STXBP6: variants seen among roughly 807,000 people sequenced by gnomAD.
STXBP6 encodes syntaxin binding protein 6, also known as syntaxin-binding protein 6.
In STXBP6, 21 loss-of-function variants were observed where a neutral mutation model predicts 26.9. The ratio of observed to expected loss-of-function variants is 0.78; its 90% CI spans 0.55 to 1.12. The LOEUF is 1.12. STXBP6 is among the 50% of genes most tolerant of loss of function. The pLI is 0.00. For missense variants in STXBP6, 232 were observed against 257.9 expected (o/e 0.90, Z 0.69); for synonymous variants, 97 against 92.6 (o/e 1.05, Z -0.27).
At chr14:24,952,421 A>G (rs796480984) in intron 2 of STXBP6, among the ~76,000 whole-genome samples, 1 of 152,120 alleles carries the variant, frequency 6.6e-6, no homozygotes, top group Non-Finnish European at 1.5e-5. Flanking sequence ...TTTGTTCTAA[A>G]CCTCCACAAA....
At chr14:25,007,328 G>T (rs1026157324) in intron 1 of STXBP6, among the ~76,000 whole-genome samples, 1 of 152,196 alleles carries the variant, frequency 6.6e-6, no homozygotes, top group Non-Finnish European at 1.5e-5. Context: ...ATAAAACCTT[G>T]CTAAGAGGCG....
chr14:24,925,814 C>T (rs1007433023), intron 2 of STXBP6, among the ~76,000 whole-genome samples: 2 of 152,062 alleles, frequency 1.3e-5, no homozygotes, highest in Admixed American at 1.3e-4. Context: ...ATTTCTAACT[C>T]CCCCCTACAC....
intron 1 of STXBP6, among the ~76,000 whole-genome samples, chr14:25,028,634 A>G (rs1157397387): frequency 6.6e-6 from 1 of 152,202 alleles, no homozygotes; most frequent in Non-Finnish European, 1.5e-5. Context: ...TCTTCAGCCC[A>G]TGGATCAAGT....
rs373624807 is a variant in STXBP6, at chr14:24,855,982, C to T, written c.405G>A (p.Thr135=). Residue 135 remains threonine, a synonymous_variant, in exon 4 of 6, where the codon ACG becomes ACA. Coordinates refer to ENST00000323944, the MANE Select transcript of STXBP6 (RefSeq NM_001394410.1). Reference sequence around the variant, plus strand: ...AGTTAATAAACTCTGGCTTCCTGTCCGTGAGGTACCTCTGGCAGGTATGGT... The same window carrying T: ...AGTTAATAAACTCTGGCTTCCTGTCTGTGAGGTACCTCTGGCAGGTATGGT... The part of the protein sequence containing the change: ...ILHHTCQRYL[T]DRKPEFINCQ... The T allele has an allele frequency of 1.4e-4, 233 of 1,610,094 alleles. No homozygotes were observed. Among genetic ancestry groups the T allele is most frequent in the East Asian group, 6.0e-4 (27 of 44,724 alleles).
At chr14:24,927,433 T>C (rs1381890968) in intron 2 of STXBP6, among the ~76,000 whole-genome samples, 1 of 152,214 alleles carries the variant, frequency 6.6e-6, no homozygotes, top group East Asian at 1.9e-4. Flanking sequence ...GCAACAATAT[T>C]TTTGCATTTT....
chr14:25,049,675 C>T lies in STXBP6; in HGVS notation c.-33+203G>A. On this transcript the variant is annotated intron_variant, in intron 1 of 5. Coordinates refer to ENST00000323944, the MANE Select transcript of STXBP6 (RefSeq NM_001394410.1). The surrounding 1 kb of genome is among the most constrained non-coding windows in gnomAD (Gnocchi z 5.6). The stretch of plus-strand genomic sequence containing the variant: ...CGAGTCCCTCTCTGCGCGCACAAAG[C>T]AGCTGCGCCGGGGCGCGCGGCCCCC... 1.0e-6 allele frequency: 1 copy of T among 985,880 alleles called. No homozygotes were observed. Among genetic ancestry groups the T allele is most frequent in the Non-Finnish European group, 1.2e-6 (1 of 830,322 alleles). The allele number at this position is 985,880 out of a possible 1,614,324, so 61.1% of individuals were successfully genotyped here.
chr14:24,889,575 T>TTTA (rs35902359), intron 2 of STXBP6, among the ~76,000 whole-genome samples: 4 of 147,382 alleles, frequency 2.7e-5, no homozygotes, highest in African/African-American at 1.0e-4. Flanking sequence ...AATAATAAAA[T>TTTA]AAAAAAAGAA....
At chr14:24,947,219 G>A (rs2073021677) in intron 2 of STXBP6, among the ~76,000 whole-genome samples, 1 of 64,338 alleles carries the variant, frequency 1.6e-5, no homozygotes, top group Admixed American at 1.0e-4. Flanking sequence ...TGAAGGGAAA[G>A]CAAAATAATT....
chr14:24,815,378 A>G (rs1188513310), intron 5 of STXBP6, among the ~76,000 whole-genome samples: 5 of 151,930 alleles, frequency 3.3e-5, no homozygotes, highest in African/African-American at 1.2e-4. Flanking sequence ...TTATAATAAA[A>G]TCATGACTGA....
Position 25,049,074 on chromosome 14 carries a change from T to A in STXBP6, c.-33+804A>T. 1 of 873,266 alleles carries A rather than the reference T, an allele frequency of 1.1e-6. No homozygotes were observed. The highest frequency in any genetic ancestry group is 1.8e-5 in the African/African-American group (1 of 55,204). The allele number at this position is 873,266 out of a possible 1,614,324, so 54.1% of individuals were successfully genotyped here. A position where few individuals can be genotyped will look rare whatever the true frequency, so the allele number is the denominator to read the frequency against. ...CAGATACACCCCGGGGACTTTCTCCTAAAGAACAAGATGTCTTTCCAAATT... is the reference window on the plus strand; with the variant it reads ...CAGATACACCCCGGGGACTTTCTCCAAAAGAACAAGATGTCTTTCCAAATT... On this transcript the variant is annotated intron_variant, in intron 1 of 5. Transcript: ENST00000323944. This position sits in a 1 kb window ranked among gnomAD's most constrained non-coding sequence, Gnocchi z 5.6.
chr14:24,943,626 T>C (rs563138465), intron 2 of STXBP6, among the ~76,000 whole-genome samples: 2 of 152,230 alleles, frequency 1.3e-5, no homozygotes, highest in African/African-American at 2.4e-5. Context: ...AGGAGGACAT[T>C]TGAAAACATA....
intron 4 of STXBP6, among the ~76,000 whole-genome samples, chr14:24,838,315 T>G (rs1290722751): frequency 1.3e-5 from 2 of 152,150 alleles, no homozygotes; most frequent in Non-Finnish European, 2.9e-5. Context: ...CCAGCAAGCT[T>G]CACTGGTTTT....
intron 1 of STXBP6, among the ~76,000 whole-genome samples, chr14:24,998,842 A>G (rs2074675446): frequency 6.6e-6 from 1 of 152,214 alleles, no homozygotes. Flanking sequence ...AAAAATCAAT[A>G]GTCTGTCTTC....
intron 2 of STXBP6, among the ~76,000 whole-genome samples, chr14:24,935,336 T>C (rs1463320721): frequency 2.0e-5 from 3 of 152,026 alleles, no homozygotes; most frequent in Admixed American, 6.6e-5. Context: ...AAGGAAAAGC[T>C]AGAAAATAAA....
intron 1 of STXBP6, among the ~76,000 whole-genome samples, chr14:24,977,009 C>T (rs1407808587): frequency 6.6e-6 from 1 of 151,670 alleles, no homozygotes; most frequent in East Asian, 1.9e-4. Context: ...ATTACAGGTG[C>T]CTACCACCAC....
At chr14:25,027,857 G>A (rs940706503) in intron 1 of STXBP6, among the ~76,000 whole-genome samples, 45 of 152,212 alleles carry the variant, frequency 3.0e-4, no homozygotes, top group African/African-American at 1.0e-3. Flanking sequence ...TTGCTGATAC[G>A]AAGAAAATGT....
intron 2 of STXBP6, among the ~76,000 whole-genome samples, chr14:24,879,406 G>A (rs2070269932): frequency 6.6e-6 from 1 of 152,100 alleles, no homozygotes; most frequent in Non-Finnish European, 1.5e-5. Context: ...TTTTGATACT[G>A]GAATAAACAC....
At chr14:24,947,603 G>C (rs1262880885) in intron 2 of STXBP6, among the ~76,000 whole-genome samples, 2 of 152,176 alleles carry the variant, frequency 1.3e-5, no homozygotes, top group Admixed American at 1.3e-4. Flanking sequence ...CAACTTCTAT[G>C]CTTAGACACT....
intron 4 of STXBP6, among the ~76,000 whole-genome samples, chr14:24,836,724 G>T (rs1246788862): frequency 6.6e-6 from 1 of 151,630 alleles, no homozygotes; most frequent in African/African-American, 2.4e-5. Flanking sequence ...TAGGATAGCA[G>T]GATGGATAAA....
Sources: allele counts gnomAD v4.1 joint callset (sites outside exome capture counted in the v4.1 genomes callset), GRCh38; gene constraint gnomAD v4.1.1; non-coding constraint Gnocchi (gnomAD v3.1); transcripts MANE v1.5; gene names NCBI Gene and HGNC (gene_info 2026-07-23, HGNC 2026-07-21).